The following NLRC5 variants were observed in gnomAD, a reference collection of about 807,000 sequenced individuals.
The protein encoded by NLRC5 is protein NLRC5.
A neutral mutation model predicts 206.9 loss-of-function variants in NLRC5; 114 were observed. That is an observed-to-expected ratio of 0.55 (90% confidence interval 0.47 to 0.64). The LOEUF (loss-of-function observed/expected upper bound fraction) is 0.64, where lower values mean the gene tolerates loss of function less well. Ranked by LOEUF, NLRC5 falls within the 30% of genes least tolerant of loss-of-function variation. The pLI, the probability that NLRC5 is intolerant of heterozygous loss-of-function variation, is 0.00. For missense variants in NLRC5, 2,008 were observed against 2,305.5 expected (o/e 0.87, Z 2.64); for synonymous variants, 952 against 962.8 (o/e 0.99, Z 0.21).
chr16:56,997,770 G>A (rs1184820677), intron 1 of NLRC5, among the ~76,000 whole-genome samples: 1 of 151,748 alleles, frequency 6.6e-6, no homozygotes, highest in Non-Finnish European at 1.5e-5. Flanking sequence ...TTGTAGAGAT[G>A]GGGTTTCTCC....
At position 57,061,517 on chromosome 16, in the gene NLRC5, G is replaced by C. The variant is rs771253221; in HGVS notation, c.4056G>C (p.Gln1352His). Residue 1352 changes from glutamine (Q) to histidine (H), a missense_variant, in exon 31 of 49, where the codon CAG (glutamine) becomes CAC (histidine). Gln to His is a conservative substitution (Grantham distance 24). Coordinates refer to ENST00000688547, the MANE Select transcript of NLRC5 (RefSeq NM_001384950.1). ...CCACCGGCTTGAGCAAGTCCCTGCA[G>C]CTGACGGAGCTCACGTGAGTGACCC... The part of the protein sequence containing the change: ...RLATGLSKSL[Q>H]LTELTLTQCC... The C allele has an allele frequency of 6.2e-7, 1 of 1,610,178 alleles. No individual in the cohort carries two copies. Among genetic ancestry groups the C allele is most frequent in the East Asian group, 2.2e-5 (1 of 44,886 alleles).
At chr16:56,999,737 T>A (rs1031986350) in intron 1 of NLRC5, among the ~76,000 whole-genome samples, 3 of 152,236 alleles carry the variant, frequency 2.0e-5, no homozygotes, top group African/African-American at 4.8e-5. Context: ...AAGGTCTCCA[T>A]CTAAATATGG....
At chr16:57,043,813 A>C (rs2063585315) in intron 20 of NLRC5, 4 of 595,044 alleles carry the variant, frequency 6.7e-6, no homozygotes, top group Non-Finnish European at 3.0e-6. Flanking sequence ...CGGATGCTCA[A>C]ATTTCTCCAA....
At position 57,016,591 on chromosome 16, in the gene NLRC5, C is replaced by T. The variant is rs549905052; in HGVS notation, c.-127-483C>T. 2.6e-5 allele frequency among the ~76,000 whole-genome samples: 4 copies of T among 152,302 alleles called. No individual in the cohort carries two copies. In the South Asian group the frequency reaches 8.3e-4, roughly 32 times the overall value. On this transcript the variant is annotated intron_variant, in intron 1 of 48. Transcript: ENST00000688547. ...GCAGCTATCAATGCCTCCAGGTCTTCTCTTTAAGAAGAATGTTTACTCTCA... is the reference window on the plus strand; with the variant it reads ...GCAGCTATCAATGCCTCCAGGTCTTTTCTTTAAGAAGAATGTTTACTCTCA...
rs370758328 is a variant in NLRC5 at position 57,025,777 on chromosome 16, T to A, written c.834T>A (p.Phe278Leu). Residue 278 changes from phenylalanine to leucine, a missense_variant, in exon 6 of 49, where the codon TTT becomes TTA. Transcript: ENST00000688547. ...TCCTGACACCGTCCGAGCTCCTTTT[T>A]GATCTGTACCTGAGCCCTGAATCGG... The part of the protein sequence containing the change: ...TRFLTPSELL[F>L]DLYLSPESDH... 8.1e-6 allele frequency: 13 copies of A among 1,614,114 alleles called. No individual in the cohort carries two copies. Among genetic ancestry groups the A allele is most frequent in the Admixed American group, 6.7e-5 (4 of 60,014 alleles).
At chr16:57,077,654 C>A in intron 41 of NLRC5, 65 bp from the exon 42 acceptor site, 4 of 1,474,228 alleles carry the variant, frequency 2.7e-6, no homozygotes, top group Admixed American at 2.2e-5. Flanking sequence ...GCAGACCCAG[C>A]AGATGTGCTG....
chr16:56,998,256 G>A (rs1029902075), intron 1 of NLRC5, among the ~76,000 whole-genome samples: 17 of 149,098 alleles, frequency 1.1e-4, no homozygotes, highest in African/African-American at 3.7e-4. Flanking sequence ...AGTAAGACAC[G>A]AATCAGTCTT....
intron 32 of NLRC5, chr16:57,062,320 T>A (rs1225096233): frequency 1.1e-5 from 4 of 363,236 alleles, no homozygotes; most frequent in African/African-American, 8.6e-5. Flanking sequence ...TACTACCTAG[T>A]CTAATCTAAA....
chr16:56,999,924 C>G (rs908785133), intron 1 of NLRC5, among the ~76,000 whole-genome samples: 1 of 152,246 alleles, frequency 6.6e-6, no homozygotes, highest in South Asian at 2.1e-4. Flanking sequence ...TCCCAGACAT[C>G]GGCACATGGG....
At chr16:57,047,489 A>T (rs1022103798) in intron 22 of NLRC5, 56 bp from the exon 23 acceptor site, 1 of 1,464,774 alleles carries the variant, frequency 6.8e-7, no homozygotes, top group Admixed American at 1.9e-5. Flanking sequence ...CCCTGGGGCT[A>T]GCCAGGGACC....
chr16:57,011,405 T>A (rs1316941504), intron 1 of NLRC5, among the ~76,000 whole-genome samples: 2 of 125,460 alleles, frequency 1.6e-5, no homozygotes, highest in East Asian at 6.1e-4. Flanking sequence ...AGAGGGAGAC[T>A]CCGTCTCAAA....
intron 15 of NLRC5, among the ~76,000 whole-genome samples, 198 bp downstream of exon 15, chr16:57,037,482 A>G (rs373276990): frequency 3.5e-4 from 54 of 152,182 alleles, no homozygotes; most frequent in Middle Eastern, 3.4e-3. Context: ...CCTCTGGAGA[A>G]CTACCCTTGG....
At chr16:57,039,112 G>A (rs947846326) in intron 15 of NLRC5, among the ~76,000 whole-genome samples, 8 of 152,092 alleles carry the variant, frequency 5.3e-5, no homozygotes, top group African/African-American at 1.7e-4. Context: ...TATTGCACTA[G>A]AAAATGGAAG....
intron 41 of NLRC5, 68 bp from the exon 42 acceptor site, chr16:57,077,651 C>T: frequency 1.4e-6 from 2 of 1,472,090 alleles, no homozygotes; most frequent in Non-Finnish European, 1.8e-6. Flanking sequence ...GTGGCAGACC[C>T]AGCAGATGTG....
intron 25 of NLRC5, 35 bp downstream of exon 25, chr16:57,054,875 T>C: frequency 6.2e-7 from 1 of 1,605,650 alleles, no homozygotes; most frequent in Non-Finnish European, 8.5e-7. Flanking sequence ...GGACTCGTCC[T>C]GAAGGGTTGT....
intron 13 of NLRC5, 145 bp from the exon 14 acceptor site, chr16:57,035,955 G>T (rs1249127831): frequency 1.4e-6 from 1 of 713,820 alleles, no homozygotes; most frequent in Non-Finnish European, 2.4e-6. Flanking sequence ...CAGGCATGTG[G>T]TATGGAGTCT....
intron 5 of NLRC5, 131 bp downstream of exon 5, chr16:57,023,984 A>C: frequency 1.2e-6 from 1 of 835,858 alleles, no homozygotes. Context: ...GCAAGTTTCC[A>C]GGAGAAAAGG....
chr16:57,051,755 C>A, intron 24 of NLRC5, 134 bp downstream of exon 24: 1 of 643,452 alleles, frequency 1.6e-6, no homozygotes, highest in Non-Finnish European at 2.8e-6. Context: ...CTACCCGCTC[C>A]ATTCTTTCCT....
chr16:57,077,889 G>C, intron 42 of NLRC5, 54 bp from the exon 43 acceptor site: 9 of 1,607,880 alleles, frequency 5.6e-6, no homozygotes, highest in African/African-American at 1.3e-5. Context: ...GGGCAGGGCG[G>C]GGGTCCCGAG....
Sources: gnomAD v4.1 joint callset for allele counts (sites outside exome capture counted in the v4.1 genomes callset) on GRCh38, gnomAD v4.1.1 for gene constraint, MANE v1.5 for transcripts, NCBI Gene and HGNC (gene_info 2026-07-23, HGNC 2026-07-21) for gene names.